The following PRKDC variants were observed in gnomAD, a reference collection of about 807,000 sequenced individuals.
The protein encoded by PRKDC is DNA-dependent protein kinase catalytic subunit.
Under a neutral mutation model 486.9 loss-of-function variants are expected in PRKDC, and 82 were observed. The ratio of observed to expected loss-of-function variants is 0.17; its 90% CI spans 0.14 to 0.20. The LOEUF is 0.20. Among genes scored for constraint, PRKDC ranks in the 10% least tolerant of loss-of-function variants. The pLI is 1.00. For synonymous variants in PRKDC, 1,895 were observed against 1,837.0 expected (o/e 1.03, Z -0.81); for missense variants, 4,504 against 5,038.2 (o/e 0.89, Z 3.21).
At chr8:47,818,198 CACTTATTAGCTTAG>C (rs1222548963) in intron 67 of PRKDC, among the ~76,000 whole-genome samples, 1 of 152,104 alleles carries the variant, frequency 6.6e-6, no homozygotes, top group African/African-American at 2.4e-5. Flanking sequence ...TAAAATCTTT[CACTTATTAGCTTAG>C]GCAAGTCATT....
Position 47,789,010 on chromosome 8 carries a change from G to A in PRKDC, c.10798C>T (p.Pro3600Ser), listed in dbSNP as rs1220616830. 3 of 1,612,306 alleles carry A rather than the reference G, an allele frequency of 1.9e-6. No homozygotes were observed. Among genetic ancestry groups the A allele is most frequent in the African/African-American group, 2.7e-5 (2 of 74,770 alleles). Residue 3600 changes from proline to serine, a missense_variant, in exon 76 of 86, where the codon CCT becomes TCT. This residue lies in a region of PRKDC where 706 missense variants were observed against 945.0 expected (regional missense o/e 0.75). Transcript: ENST00000314191. ...TTTTCAATGTTTTTTTTATTTACAG[G>A]GGTTTTTGCTAGTTCAGCTCTTACA... The part of the protein sequence containing the change: ...NDVRAELAKT[P>S]VNKKNIEKMY...
At chr8:47,822,860 CCTACA>C (rs1215177852) in intron 64 of PRKDC, among the ~76,000 whole-genome samples, 1 of 152,166 alleles carries the variant, frequency 6.6e-6, no homozygotes, top group Non-Finnish European at 1.5e-5. Flanking sequence ...AATTTCAACA[CCTACA>C]CTTGAATAGC....
chr8:47,855,677 T>C (rs1451395598), intron 49 of PRKDC, among the ~76,000 whole-genome samples: 1 of 152,246 alleles, frequency 6.6e-6, no homozygotes, highest in Non-Finnish European at 1.5e-5. Flanking sequence ...TCTGAGGCCC[T>C]GGACAGGGGT....
chr8:47,919,555 C>T lies in PRKDC; in HGVS notation c.2420-1172G>A, dbSNP rs543355573. 2.0e-5 allele frequency among the ~76,000 whole-genome samples: 3 copies of T among 152,318 alleles called. No homozygotes were observed. The South Asian group carries it at 6.2e-4, about 32-fold the overall frequency. Reference sequence around the variant, plus strand: ...AGGTGAGCTGCGCCGCGGGAGGGCACCTGCCGGTGGTTTAACTCCAGCAAG... The same window carrying T: ...AGGTGAGCTGCGCCGCGGGAGGGCATCTGCCGGTGGTTTAACTCCAGCAAG... On this transcript the variant is annotated intron_variant, in intron 21 of 85. Coordinates refer to ENST00000314191, the MANE Select transcript of PRKDC (RefSeq NM_006904.7).
rs8178258 is a variant in PRKDC, at chr8:47,776,805, C to T, written c.12182+39G>A. 165,040 of 1,608,792 alleles carry T rather than the reference C, an allele frequency of 0.1. 20,709 individuals carry two copies. Among genetic ancestry groups the T allele is most frequent in the African/African-American group, 0.57 (42,489 of 74,690 alleles). ...GGCTCCTCGAGAAACAGTAGCATGTCGGTAGTCCGTTAGTTTTTTCCACAT... is the reference window on the plus strand; with the variant it reads ...GGCTCCTCGAGAAACAGTAGCATGTTGGTAGTCCGTTAGTTTTTTCCACAT... On this transcript the variant is annotated intron_variant, in intron 85 of 85. Coordinates refer to ENST00000314191, the MANE Select transcript of PRKDC (RefSeq NM_006904.7).
At chr8:47,880,822 G>A (rs2089197538) in intron 38 of PRKDC, among the ~76,000 whole-genome samples, 1 of 152,066 alleles carries the variant, frequency 6.6e-6, no homozygotes, top group Non-Finnish European at 1.5e-5. Flanking sequence ...GGGAGGCCGA[G>A]GCAGGCAGAT....
At chr8:47,895,674 A>C (rs1261953075) in intron 30 of PRKDC, among the ~76,000 whole-genome samples, 1 of 152,144 alleles carries the variant, frequency 6.6e-6, no homozygotes, top group Non-Finnish European at 1.5e-5. Flanking sequence ...TTCAATGACT[A>C]ATTTCACAAG....
chr8:47,912,664 T>C, intron 24 of PRKDC, 102 bp from the exon 25 acceptor site: 1 of 1,158,320 alleles, frequency 8.6e-7, no homozygotes, highest in East Asian at 2.7e-5. Context: ...AAAAATTTCA[T>C]TGCACATAAC....
chr8:47,854,347 T>C, intron 50 of PRKDC, 133 bp from the exon 51 acceptor site: 2 of 1,019,994 alleles, frequency 2.0e-6, no homozygotes, highest in South Asian at 3.2e-5. Context: ...GTGGCGTGAC[T>C]GAGACGGAGT....
chr8:47,775,092 C>A (rs2086581721), intron 85 of PRKDC, among the ~76,000 whole-genome samples: 1 of 151,900 alleles, frequency 6.6e-6, no homozygotes, highest in Non-Finnish European at 1.5e-5. Context: ...GAGGCTCGGA[C>A]AGGAGGATCG....
Position 47,932,418 on chromosome 8 carries a change from C to T in PRKDC, c.1776+602G>A, listed in dbSNP as rs1245668730. Among the ~76,000 whole-genome samples, 8 of 151,940 alleles carry T rather than the reference C, an allele frequency of 5.3e-5. No individual in the cohort carries two copies. In the East Asian group the frequency reaches 5.8e-4, roughly 11 times the overall value. On this transcript the variant is annotated intron_variant, in intron 16 of 85. Coordinates refer to ENST00000314191, the MANE Select transcript of PRKDC (RefSeq NM_006904.7). ...TTTTTTAGTAGAGACGGGGTTTCAT[C>T]GTGTTAGCCAGGATGGTCTCAATCT...
chr8:47,957,677 AT>A (rs568366264), intron 1 of PRKDC, among the ~76,000 whole-genome samples: 23 of 149,310 alleles, frequency 1.5e-4, no homozygotes, highest in Admixed American at 1.0e-3. Context: ...TGCCCGGCTA[AT>A]TTTTTTTTTG....
At position 47,864,548 on chromosome 8, in the gene PRKDC, T is replaced by C; in HGVS notation, c.5571+8A>G. Reference sequence around the variant, plus strand: ...CACTTCTTATTACTGATTTAAGGCGTATGATACCTTTGTAAACCTGGACTT... The same window carrying C: ...CACTTCTTATTACTGATTTAAGGCGCATGATACCTTTGTAAACCTGGACTT... On this transcript the variant is annotated splice_region_variant and intron_variant, in intron 41 of 85. Coordinates refer to ENST00000314191, the MANE Select transcript of PRKDC (RefSeq NM_006904.7). The C allele has an allele frequency of 6.2e-7, 1 of 1,601,030 alleles. No individual in the cohort carries two copies. The highest frequency in any genetic ancestry group is 8.5e-7 in the Non-Finnish European group (1 of 1,174,108).
intron 82 of PRKDC, 30 bp downstream of exon 82, chr8:47,778,694 ATCCC>A (rs756258800): frequency 1.2e-6 from 2 of 1,613,430 alleles, no homozygotes; most frequent in Non-Finnish European, 1.7e-6. Flanking sequence ...GGCTGCTGTG[ATCCC>A]ACTAAGGGTG....
chr8:47,932,725 A>G (rs1208378216), intron 16 of PRKDC, among the ~76,000 whole-genome samples: 2 of 152,210 alleles, frequency 1.3e-5, no homozygotes, highest in African/African-American at 4.8e-5. Context: ...ACATAAAATA[A>G]GATTTCTGTC....
At chr8:47,883,779 T>C (rs1425798404) in intron 36 of PRKDC, among the ~76,000 whole-genome samples, 2 of 152,262 alleles carry the variant, frequency 1.3e-5, no homozygotes, top group Non-Finnish European at 2.9e-5. Context: ...TTTCTCCAGC[T>C]TACATTTCCA....
rs766589453 is a variant in PRKDC at position 47,774,051 on chromosome 8, G to A, written c.*122C>T. On this transcript the variant is annotated 3_prime_UTR_variant, in exon 86 of 86. Coordinates refer to ENST00000314191, the MANE Select transcript of PRKDC (RefSeq NM_006904.7). ...TGATTTAAACTCATGCTACGAAACT[G>A]TAGCACAAAAGACATTTCTCTTTAG... 117 of 1,006,294 alleles carry A rather than the reference G, an allele frequency of 1.2e-4. No homozygotes were observed. Among genetic ancestry groups the A allele is most frequent in the Non-Finnish European group, 1.6e-4 (112 of 706,358 alleles). The allele number at this position is 1,006,294 out of a possible 1,614,324, so 62.3% of individuals were successfully genotyped here.
chr8:47,787,279 C>T (rs2086807047), intron 76 of PRKDC, among the ~76,000 whole-genome samples: 1 of 152,148 alleles, frequency 6.6e-6, no homozygotes, highest in African/African-American at 2.4e-5. Flanking sequence ...ATCAAACGTG[C>T]TCTATTTTAA....
chr8:47,837,082 G>A (rs2088041579), intron 57 of PRKDC, 130 bp downstream of exon 57: 2 of 1,042,510 alleles, frequency 1.9e-6, no homozygotes, highest in African/African-American at 1.6e-5. Flanking sequence ...AGAGGCACGA[G>A]CCTTCCCTTT....
Sources: gnomAD v4.1 joint callset for allele counts (sites outside exome capture counted in the v4.1 genomes callset) on GRCh38, gnomAD v4.1.1 for gene constraint, gnomAD v4.1.1 regional missense constraint, MANE v1.5 for transcripts, NCBI Gene and HGNC (gene_info 2026-07-23, HGNC 2026-07-21) for gene names.